Variants in TSHZ2 observed in about 807,000 individuals in gnomAD.
The protein encoded by TSHZ2 is teashirt zinc finger homeobox 2.
In TSHZ2, 21 loss-of-function variants were observed where a neutral mutation model predicts 74.4. The observed-to-expected ratio is 0.28, with a 90% CI of 0.20 to 0.41. The LOEUF (loss-of-function observed/expected upper bound fraction) is 0.41. Among genes scored for constraint, TSHZ2 ranks in the 10% least tolerant of loss-of-function variants. The pLI is 1.00. For missense variants in TSHZ2, 1,244 were observed against 1,293.5 expected, an observed-to-expected ratio of 0.96 and a Z score of 0.59; for synonymous variants, 540 against 515.3, an observed-to-expected ratio of 1.05 and a Z score of -0.65.
intron 1 of TSHZ2, among the ~76,000 whole-genome samples, chr20:53,248,724 C>A (rs1990260976): frequency 6.6e-6 from 1 of 152,218 alleles, no homozygotes; most frequent in Non-Finnish European, 1.5e-5. Context: ...TGCTTATTTG[C>A]AGCCTTTATA....
chr20:53,395,705 T>C (rs1982419281), intron 2 of TSHZ2, among the ~76,000 whole-genome samples: 1 of 152,204 alleles, frequency 6.6e-6, no homozygotes, highest in African/African-American at 2.4e-5. Flanking sequence ...TTTCAAACCA[T>C]CTTAACATCT....
At position 53,060,358 on chromosome 20, in the gene TSHZ2, T is replaced by C. The variant is rs1034935946; in HGVS notation, c.40+87025T>C. On this transcript the variant is annotated intron_variant, in intron 1 of 2. Coordinates refer to ENST00000371497, the MANE Select transcript of TSHZ2 (RefSeq NM_173485.6). The stretch of plus-strand genomic sequence containing the variant: ...GATTTCTCAGGAGCTGTTTCCCTGC[T>C]ACTCACATAAAAAACACTTCACTAC... Among the ~76,000 whole-genome samples, 4 of 152,302 alleles carry C rather than the reference T, an allele frequency of 2.6e-5. No individual in the cohort carries two copies. The South Asian group carries it at 8.3e-4, about 32-fold the overall frequency.
chr20:52,997,534 A>G (rs1982249678), intron 1 of TSHZ2, among the ~76,000 whole-genome samples: 1 of 152,074 alleles, frequency 6.6e-6, no homozygotes, highest in Admixed American at 6.5e-5. Context: ...CTATTTGTAT[A>G]CATTTCTATA....
chr20:53,079,042 C>T (rs780437045), intron 1 of TSHZ2, among the ~76,000 whole-genome samples: 1 of 152,024 alleles, frequency 6.6e-6, no homozygotes, highest in Non-Finnish European at 1.5e-5. Context: ...CTGAGAAAGG[C>T]CAATATCCAA....
intron 1 of TSHZ2, among the ~76,000 whole-genome samples, chr20:52,999,397 G>T (rs1982326381): frequency 6.6e-6 from 1 of 151,934 alleles, no homozygotes; most frequent in Admixed American, 6.5e-5. Context: ...GCAAAGGGAG[G>T]GAAGGTGAGG....
At chr20:53,333,201 A>G (rs986227094) in intron 2 of TSHZ2, among the ~76,000 whole-genome samples, 3 of 152,248 alleles carry the variant, frequency 2.0e-5, no homozygotes, top group African/African-American at 7.2e-5. Flanking sequence ...ATATTTATTT[A>G]GAGCTTTGCA....
intron 1 of TSHZ2, chr20:53,185,817 T>TAAAAACTC: frequency 9.0e-7 from 1 of 1,109,480 alleles, no homozygotes; most frequent in Non-Finnish European, 1.3e-6. Flanking sequence ...ATCAGTAATT[T>TAAAAACTC]AATTGAGTTT....
intron 2 of TSHZ2, among the ~76,000 whole-genome samples, chr20:53,413,363 T>C (rs1600619839): frequency 1.3e-5 from 2 of 152,384 alleles, no homozygotes; most frequent in East Asian, 1.9e-4. Context: ...ATGCAGGTGC[T>C]GGACTTAGAA....
rs538082887 is a variant in TSHZ2 at position 53,343,504 on chromosome 20, G to C, written c.*8+86933G>C. On this transcript the variant is annotated intron_variant, in intron 2 of 2. Coordinates refer to ENST00000371497, the MANE Select transcript of TSHZ2 (RefSeq NM_173485.6). ...AATCCCAGGCACTAACATTCCGGAC[G>C]ACCAATTGGCAACTCCAACCTCTCC... is the stretch of plus-strand genomic sequence containing the variant. Among the ~76,000 whole-genome samples the C allele has an allele frequency of 2.6e-5, 4 of 152,276 alleles. No individual in the cohort carries two copies. The East Asian group carries it at 7.7e-4, about 29-fold the overall frequency.
At chr20:53,313,794 A>G (rs532319923) in intron 2 of TSHZ2, among the ~76,000 whole-genome samples, 48 of 152,318 alleles carry the variant, frequency 3.2e-4, no homozygotes, top group African/African-American at 1.1e-3. Context: ...AATCCACCGA[A>G]TCTGCTTCCA....
At chr20:53,190,137 A>ATTTTTT (rs57127898) in intron 1 of TSHZ2, among the ~76,000 whole-genome samples, 2 of 90,498 alleles carry the variant, frequency 2.2e-5, no homozygotes, top group Non-Finnish European at 4.4e-5. Flanking sequence ...ATATATATAT[A>ATTTTTT]TTTTCTTAAA....
At chr20:53,148,351 C>T (rs1987593959) in intron 1 of TSHZ2, among the ~76,000 whole-genome samples, 1 of 151,906 alleles carries the variant, frequency 6.6e-6, no homozygotes. Context: ...CGTGTAGAGG[C>T]GAGAGTTGCT....
At chr20:53,211,947 AG>A (rs1989317100) in intron 1 of TSHZ2, among the ~76,000 whole-genome samples, 1 of 152,134 alleles carries the variant, frequency 6.6e-6, no homozygotes, top group South Asian at 2.1e-4. Context: ...GATAATGTTT[AG>A]TATTATAGGA....
chr20:53,186,256 T>A (rs1051410809), intron 1 of TSHZ2, among the ~76,000 whole-genome samples: 1 of 152,212 alleles, frequency 6.6e-6, no homozygotes, highest in Non-Finnish European at 1.5e-5. Flanking sequence ...ATTACAATCA[T>A]CAAATGTTTC....
At chr20:53,170,453 A>G (rs1385244334) in intron 1 of TSHZ2, among the ~76,000 whole-genome samples, 2 of 152,232 alleles carry the variant, frequency 1.3e-5, no homozygotes, top group African/African-American at 4.8e-5. Context: ...CTCTCCTAAG[A>G]TGAACCAGGG....
chr20:53,335,753 A>T (rs1979920404), intron 2 of TSHZ2, among the ~76,000 whole-genome samples: 2 of 152,148 alleles, frequency 1.3e-5, no homozygotes, highest in Admixed American at 1.3e-4. Context: ...CAGAGGGAAT[A>T]CTCAGGGAAC....
chr20:53,164,844 T>C (rs1988029532), intron 1 of TSHZ2, among the ~76,000 whole-genome samples: 1 of 152,238 alleles, frequency 6.6e-6, no homozygotes, highest in Non-Finnish European at 1.5e-5. Context: ...CATAGTAACA[T>C]TATTTCCATA....
At chr20:53,204,749 T>C (rs1989122092) in intron 1 of TSHZ2, among the ~76,000 whole-genome samples, 2 of 152,152 alleles carry the variant, frequency 1.3e-5, no homozygotes, top group East Asian at 1.9e-4. Flanking sequence ...CTTACTATGG[T>C]CCCCATTTTA....
At chr20:53,185,253 T>C in intron 1 of TSHZ2, 3 of 1,006,800 alleles carry the variant, frequency 3.0e-6, no homozygotes, top group Non-Finnish European at 3.6e-6. Context: ...GTAGAAGTGA[T>C]GCATAAAACC....
Sources: gnomAD v4.1 joint callset for allele counts (sites outside exome capture counted in the v4.1 genomes callset) on GRCh38, gnomAD v4.1.1 for gene constraint, MANE v1.5 for transcripts, NCBI Gene and HGNC (gene_info 2026-07-23, HGNC 2026-07-21) for gene names.